The following DLEC1 variants were observed in gnomAD, a reference collection of about 807,000 sequenced individuals.
DLEC1 encodes DLEC1 cilia and flagella associated protein, also known as deleted in lung and esophageal cancer protein 1.
In DLEC1, 146 loss-of-function variants were observed where a neutral mutation model predicts 198.1. The observed-to-expected ratio is 0.74, with a 90% CI of 0.64 to 0.85. The LOEUF is 0.85. Among genes scored for constraint, DLEC1 ranks in the 40% least tolerant of loss-of-function variants. The pLI is 0.00. For synonymous variants in DLEC1, 897 were observed against 866.8 expected, an observed-to-expected ratio of 1.03 and a Z score of -0.61; for missense variants, 2,233 against 2,220.0, an observed-to-expected ratio of 1.01 and a Z score of -0.12.
intron 14 of DLEC1, 112 bp downstream of exon 14, chr3:38,096,058 A>G (rs1699001235): frequency 7.5e-7 from 1 of 1,329,206 alleles, no homozygotes; most frequent in Admixed American, 2.0e-5. Context: ...TGGTCCCCGC[A>G]GGCTTTGGGG....
Position 38,123,248 on chromosome 3 carries a change from C to CG in DLEC1, c.*838dup. On this transcript the variant is annotated 3_prime_UTR_variant, in exon 37 of 37. Coordinates refer to ENST00000308059, the MANE Select transcript of DLEC1 (RefSeq NM_007335.4). Reference sequence around the variant, plus strand: ...CCATCAGACCAGATCTGTGGGCAAGCGGTACCCTGGCCTCCCACTTGGGCA... The same window carrying CG: ...CCATCAGACCAGATCTGTGGGCAAGCGGGTACCCTGGCCTCCCACTTGGGCA... The CG allele has an allele frequency of 1.2e-6, 1 of 867,196 alleles. No homozygotes were observed. The highest frequency in any genetic ancestry group is 1.6e-5 in the African/African-American group (1 of 60,624). 53.7% of individuals were successfully genotyped at this position (867,196 alleles called of 1,614,324 possible).
In DLEC1 at chr3:38,116,831, T is replaced by C. The variant is rs995710881; in HGVS notation, c.4121T>C (p.Leu1374Pro). 18 of 1,613,742 alleles carry C rather than the reference T, an allele frequency of 1.1e-5. No homozygotes were observed. The highest frequency in any genetic ancestry group is 1.5e-5 in the Non-Finnish European group (18 of 1,179,902). ...GCACAGAAGCTCATCTCAGTCATCC[T>C]GCAGGCACATGAGGGGGTGCCCTCC... ...RVAQKLISVI[L>P]QAHEGVPSGH... Residue 1374 changes from leucine to proline, a missense_variant, in exon 29 of 37, where the codon CTG (leucine) becomes CCG (proline). Physicochemically the swap from Leu to Pro is moderately conservative, Grantham distance 98 (BLOSUM62 -3). Transcript: ENST00000308059.
chr3:38,106,982 C>T (rs549762246), intron 19 of DLEC1, among the ~76,000 whole-genome samples: 30 of 152,226 alleles, frequency 2.0e-4, no homozygotes, highest in Middle Eastern at 6.8e-3. Context: ...TTAGATCTAT[C>T]AGAGAGTTGA....
chr3:38,104,431 T>C (rs1198987402), intron 19 of DLEC1, among the ~76,000 whole-genome samples: 1 of 151,856 alleles, frequency 6.6e-6, no homozygotes, highest in Non-Finnish European at 1.5e-5. Context: ...CACTCCAGCC[T>C]GGGCAACAGA....
chr3:38,091,866 G>A (rs1698760634), intron 10 of DLEC1, among the ~76,000 whole-genome samples: 1 of 152,180 alleles, frequency 6.6e-6, no homozygotes, highest in Admixed American at 6.5e-5. Flanking sequence ...TGTTGGCGAG[G>A]ATGTAGAGAA....
intron 21 of DLEC1, 33 bp downstream of exon 21, chr3:38,108,548 G>A (rs1402076883): frequency 1.9e-6 from 3 of 1,572,876 alleles, no homozygotes; most frequent in Non-Finnish European, 2.6e-6. Context: ...TGAGTGACCG[G>A]GAAGGCACCC....
chr3:38,052,306 C>T lies in DLEC1; in HGVS notation c.562+6613C>T, dbSNP rs185257190. The T allele has an allele frequency of 4.0e-4, 164 of 414,472 alleles. 3 individuals carry two copies. Among genetic ancestry groups the T allele is most frequent in the African/African-American group, 2.1e-3 (102 of 48,744 alleles). The allele number at this position is 414,472 out of a possible 1,614,324, so 25.7% of individuals were successfully genotyped here. A position where few individuals can be genotyped will look rare whatever the true frequency, so the allele number is the denominator to read the frequency against. The stretch of plus-strand genomic sequence containing the variant: ...CATAGAGAGCAGGCTGGGACCACAC[C>T]GGGACCACGAGTACCTGCACAGCAA... On this transcript the variant is annotated intron_variant, in intron 2 of 36. Transcript: ENST00000308059.
chr3:38,042,263 G>A (rs1419917085), intron 1 of DLEC1, among the ~76,000 whole-genome samples: 1 of 152,040 alleles, frequency 6.6e-6, no homozygotes, highest in Non-Finnish European at 1.5e-5. Flanking sequence ...AAAGTGCTAG[G>A]ATTACAAGAG....
In DLEC1 at chr3:38,097,646, G is replaced by A. The variant is rs1162561014; in HGVS notation, c.2565+9G>A. 1 of 1,614,086 alleles carries A rather than the reference G, an allele frequency of 6.2e-7. No homozygotes were observed. On this transcript the variant is annotated intron_variant, in intron 17 of 36. Coordinates refer to ENST00000308059, the MANE Select transcript of DLEC1 (RefSeq NM_007335.4). ...TTGAGGCTGTCTTTAAGGTGCTGCA[G>A]GTGGAGCTGGGCAGTGGGGTGGGCC...
intron 19 of DLEC1, among the ~76,000 whole-genome samples, chr3:38,105,378 C>T (rs900207364): frequency 6.6e-5 from 10 of 152,056 alleles, no homozygotes; most frequent in African/African-American, 2.4e-4. Context: ...TTGAAGTCTC[C>T]AACCATTATT....
At chr3:38,102,327 G>A (rs552494728) in intron 19 of DLEC1, among the ~76,000 whole-genome samples, 2 of 152,282 alleles carry the variant, frequency 1.3e-5, no homozygotes, top group East Asian at 3.9e-4. Flanking sequence ...TCATGTACCC[G>A]CCCCTTCCCC....
In DLEC1 at chr3:38,039,212, G is replaced by A; in HGVS notation, c.-14G>A. On this transcript the variant is annotated 5_prime_UTR_variant, in exon 1 of 37. Coordinates refer to ENST00000308059, the MANE Select transcript of DLEC1 (RefSeq NM_007335.4). ...GCCGAAGTGCCGCAGGGAGTTAGCG[G>A]CGTCTCGGTTGCCATGGAGACCAGG... 6.3e-7 allele frequency: 1 copy of A among 1,584,384 alleles called. No individual in the cohort carries two copies. The highest frequency in any genetic ancestry group is 8.6e-7 in the Non-Finnish European group (1 of 1,163,468).
chr3:38,084,065 T>C, intron 6 of DLEC1, 93 bp from the exon 7 acceptor site: 1 of 1,267,454 alleles, frequency 7.9e-7, no homozygotes, highest in Non-Finnish European at 1.1e-6. Flanking sequence ...TTTCTACCTC[T>C]ACCCCCTTCT....
chr3:38,053,379 G>A (rs1330568950), intron 2 of DLEC1, among the ~76,000 whole-genome samples: 2 of 151,718 alleles, frequency 1.3e-5, no homozygotes, highest in Non-Finnish European at 2.9e-5. Flanking sequence ...TGTCTGAGAT[G>A]TGGGGAGTGC....
intron 22 of DLEC1, 44 bp from the exon 23 acceptor site, chr3:38,110,055 T>C (rs376078758): frequency 8.5e-5 from 136 of 1,600,362 alleles, no homozygotes; most frequent in Non-Finnish European, 9.3e-5. Context: ...GGGCCAAGGG[T>C]GGTGTGTTAC....
intron 9 of DLEC1, among the ~76,000 whole-genome samples, chr3:38,087,797 G>T (rs1333315952): frequency 6.6e-6 from 1 of 152,262 alleles, no homozygotes; most frequent in Non-Finnish European, 1.5e-5. Context: ...CATGCTAAGT[G>T]ACTTCTTGTG....
At chr3:38,093,801 C>T in intron 12 of DLEC1, 34 bp downstream of exon 12, 5 of 1,608,552 alleles carry the variant, frequency 3.1e-6, no homozygotes, top group Non-Finnish European at 4.2e-6. Context: ...CAATACCCAA[C>T]CCTTCTTCTT....
chr3:38,095,773 G>A, intron 13 of DLEC1, 115 bp from the exon 14 acceptor site: 1 of 1,352,556 alleles, frequency 7.4e-7, no homozygotes. Context: ...GTTTTCAGAA[G>A]GTCCTTCTGA....
intron 2 of DLEC1, among the ~76,000 whole-genome samples, chr3:38,057,931 C>T (rs529625489): frequency 6.6e-6 from 1 of 151,886 alleles, no homozygotes; most frequent in South Asian, 2.1e-4. Flanking sequence ...ATTCTCCTGC[C>T]TCAGCCTCCT....
Sources: gnomAD v4.1 joint callset for allele counts (sites outside exome capture counted in the v4.1 genomes callset) on GRCh38, gnomAD v4.1.1 for gene constraint, MANE v1.5 for transcripts, NCBI Gene and HGNC (gene_info 2026-07-23, HGNC 2026-07-21) for gene names.